The following STK33 variants were observed in gnomAD, a reference collection of about 807,000 sequenced individuals.
STK33 encodes the protein serine/threonine-protein kinase 33.
Under a neutral mutation model 58.0 loss-of-function variants are expected in STK33, and 52 were observed. The ratio of observed to expected loss-of-function variants is 0.90; its 90% confidence interval spans 0.72 to 1.13. The LOEUF is 1.13. STK33 is among the 50% of genes most tolerant of loss of function. The probability of loss-of-function intolerance (pLI) is 0.00; values close to 1 mark genes in which losing one functional copy is unlikely to be tolerated. For synonymous variants in STK33, 215 were observed against 200.1 expected (o/e 1.07, Z -0.63); for missense variants, 630 against 604.2 (o/e 1.04, Z -0.45).
At chr11:8,474,440 T>C (rs562411103) in intron 5 of STK33, among the ~76,000 whole-genome samples, 1 of 152,216 alleles carries the variant, frequency 6.6e-6, no homozygotes, top group East Asian at 1.9e-4. Context: ...AAAAAGAAGT[T>C]GGTATAACGT....
the STK33 span, among the ~76,000 whole-genome samples, chr11:8,353,965 T>G: frequency 6.6e-6 from 1 of 152,192 alleles, no homozygotes; most frequent in South Asian, 2.1e-4. Context: ...GGTTAGAGCC[T>G]GGGGACAAGG....
chr11:8,464,884 A>T (rs1947992659), intron 6 of STK33, 62 bp from the exon 7 acceptor site: 1 of 1,066,852 alleles, frequency 9.4e-7, no homozygotes, highest in Non-Finnish European at 1.4e-6. Flanking sequence ...AAAAATGAAC[A>T]TATAATACTG....
intron 1 of STK33, among the ~76,000 whole-genome samples, chr11:8,546,345 C>G (rs1271717971): frequency 6.6e-6 from 1 of 152,052 alleles, no homozygotes; most frequent in Admixed American, 6.6e-5. Context: ...TTATGGGGTA[C>G]CTGTGAGATT....
At chr11:8,532,240 A>T (rs1954613232) in intron 1 of STK33, among the ~76,000 whole-genome samples, 1 of 152,280 alleles carries the variant, frequency 6.6e-6, no homozygotes. Context: ...CACTTTGAGT[A>T]GCACTGATTT....
chr11:8,491,855 G>A (rs1021072374), intron 1 of STK33, among the ~76,000 whole-genome samples: 25 of 152,132 alleles, frequency 1.6e-4, no homozygotes, highest in Non-Finnish European at 3.1e-4. Context: ...AGCTTCACAA[G>A]TGAAGAGGAA....
At chr11:8,376,332 C>T in the STK33 span, among the ~76,000 whole-genome samples, 4 of 152,106 alleles carry the variant, frequency 2.6e-5, no homozygotes, top group Middle Eastern at 3.2e-3. Flanking sequence ...GCTGCACACA[C>T]GTGTGTTCAC....
intron 1 of STK33, among the ~76,000 whole-genome samples, chr11:8,583,417 T>C (rs1260938093): frequency 6.6e-6 from 1 of 152,128 alleles, no homozygotes. Flanking sequence ...AGCAGATATG[T>C]AGGAAAGGAT....
intron 1 of STK33, among the ~76,000 whole-genome samples, chr11:8,538,741 A>T (rs1955254160): frequency 6.6e-6 from 1 of 152,204 alleles, no homozygotes; most frequent in Non-Finnish European, 1.5e-5. Flanking sequence ...TGCTTGTTGA[A>T]TGAATGAACA....
the STK33 span, among the ~76,000 whole-genome samples, chr11:8,365,679 C>T: frequency 6.6e-6 from 1 of 152,204 alleles, no homozygotes; most frequent in African/African-American, 2.4e-5. Flanking sequence ...GCTGCAGGGC[C>T]TTCAGCTACC....
At chr11:8,421,612 G>C (rs1272458491) in intron 14 of STK33, among the ~76,000 whole-genome samples, 1 of 152,094 alleles carries the variant, frequency 6.6e-6, no homozygotes, top group African/African-American at 2.4e-5. Context: ...TTATAGCCAG[G>C]AAAGTTTGTG....
chr11:8,346,399 G>A, the STK33 span, among the ~76,000 whole-genome samples: 1,046 of 152,324 alleles, frequency 6.9e-3, 7 homozygotes, highest in Non-Finnish European at 0.01. Context: ...GTGGGGCTTC[G>A]GGGGAGCCTG....
the STK33 span, among the ~76,000 whole-genome samples, chr11:8,381,781 A>G: frequency 3.9e-5 from 6 of 152,050 alleles, no homozygotes; most frequent in African/African-American, 1.4e-4. Context: ...TTACCCAAAA[A>G]CTTTAGGTGA....
At chr11:8,564,435 A>G (rs1330891324) in intron 1 of STK33, among the ~76,000 whole-genome samples, 1 of 152,176 alleles carries the variant, frequency 6.6e-6, no homozygotes, top group East Asian at 1.9e-4. Flanking sequence ...ATCTGGTGTT[A>G]CTTTATACTG....
chr11:8,535,499 T>A (rs1230607717), intron 1 of STK33, among the ~76,000 whole-genome samples: 1 of 152,098 alleles, frequency 6.6e-6, no homozygotes, highest in Non-Finnish European at 1.5e-5. Flanking sequence ...TCAATATCAC[T>A]AATCATCACA....
At chr11:8,593,635 C>T (rs1438912861) in intron 1 of STK33, 2 of 152,174 alleles carry the variant, frequency 1.3e-5, no homozygotes, top group East Asian at 3.9e-4. Flanking sequence ...ATCTTAAGGG[C>T]AACAGGAAAC....
intron 1 of STK33, among the ~76,000 whole-genome samples, chr11:8,501,104 A>G (rs1342394306): frequency 1.3e-5 from 2 of 152,190 alleles, no homozygotes; most frequent in South Asian, 2.1e-4. Context: ...AGAAGAAAAC[A>G]TAGAGGTAAA....
the STK33 span, among the ~76,000 whole-genome samples, chr11:8,354,334 T>A: frequency 6.6e-6 from 1 of 151,894 alleles, no homozygotes; most frequent in Non-Finnish European, 1.5e-5. Context: ...TCATCCTATT[T>A]CCCCAGATAA....
At chr11:8,589,423 G>C (rs1172206426) in intron 1 of STK33, among the ~76,000 whole-genome samples, 1 of 152,086 alleles carries the variant, frequency 6.6e-6, no homozygotes, top group Non-Finnish European at 1.5e-5. Context: ...GCCACATATT[G>C]TATAATTCCA....
chr11:8,450,784 T>C (rs182179964), intron 11 of STK33, among the ~76,000 whole-genome samples: 353 of 151,538 alleles, frequency 2.3e-3, no homozygotes, highest in African/African-American at 8.2e-3. Context: ...CCATGTGAGG[T>C]TGAATTTAAA....
Sources: allele counts gnomAD v4.1 joint callset (sites outside exome capture counted in the v4.1 genomes callset), GRCh38; gene constraint gnomAD v4.1.1; transcripts MANE v1.5; gene names NCBI Gene and HGNC (gene_info 2026-07-23, HGNC 2026-07-21).